Variants in UST observed in about 807,000 individuals in gnomAD.
The protein encoded by UST is uronyl 2-sulfotransferase.
Under a neutral mutation model 45.6 loss-of-function variants are expected in UST, and 21 were observed. That is an observed-to-expected ratio of 0.46 (90% CI 0.33 to 0.66). UST has a LOEUF of 0.66. Ranked by LOEUF, UST falls within the 30% of genes least tolerant of loss-of-function variation. UST has a pLI of 0.02. For synonymous variants in UST, 215 were observed against 200.6 expected (o/e 1.07, Z -0.61); for missense variants, 463 against 512.4 (o/e 0.90, Z 0.93).
chr6:148,936,551 C>T (rs1206372677), intron 2 of UST, among the ~76,000 whole-genome samples: 1 of 148,834 alleles, frequency 6.7e-6, no homozygotes, highest in Non-Finnish European at 1.5e-5. Flanking sequence ...AGGGTCAGTC[C>T]CTCCCTCCTT....
intron 1 of UST, among the ~76,000 whole-genome samples, chr6:148,852,920 A>G (rs1442618731): frequency 2.6e-5 from 4 of 152,180 alleles, no homozygotes; most frequent in Non-Finnish European, 4.4e-5. Context: ...ACATGACTTT[A>G]GTAAATACCT....
chr6:148,852,192 C>T (rs1217426855), intron 1 of UST, among the ~76,000 whole-genome samples: 5 of 152,254 alleles, frequency 3.3e-5, no homozygotes, highest in Middle Eastern at 3.4e-3. Flanking sequence ...AAAGCAGAGT[C>T]GGGAACATTT....
At chr6:148,894,814 CTTTTTTTTTTTT>C (rs760698349) in intron 2 of UST, among the ~76,000 whole-genome samples, 1 of 93,700 alleles carries the variant, frequency 1.1e-5, no homozygotes, top group Non-Finnish European at 2.0e-5. Context: ...AATTTCAGTG[CTTTTTTTTTTTT>C]TTTTTTTTTT....
chr6:148,780,400 C>T (rs113875218), intron 1 of UST, among the ~76,000 whole-genome samples: 25,381 of 151,908 alleles, frequency 0.17, 2,462 homozygotes, highest in Non-Finnish European at 0.21. Context: ...AAGCCCAGTA[C>T]CCTATAGTTA....
In UST at chr6:148,770,988, C is replaced by CT. The variant is rs1244201791; in HGVS notation, c.247+23312dup. 3.3e-5 allele frequency among the ~76,000 whole-genome samples: 5 copies of CT among 151,962 alleles called. No individual in the cohort carries two copies. In the South Asian group the frequency reaches 6.2e-4, roughly 19 times the overall value. ...TTTGACAAGACAAACAACTTTTATC[C>CT]TGCAGGTATTGATTTAGTAGAACAG... On this transcript the variant is annotated intron_variant, in intron 1 of 7. Transcript: ENST00000367463.
intron 1 of UST, among the ~76,000 whole-genome samples, chr6:148,796,167 G>A (rs552013145): frequency 5.3e-5 from 8 of 152,276 alleles, no homozygotes; most frequent in Admixed American, 4.6e-4. Flanking sequence ...ATTGAGATGA[G>A]AAGCATGGCA....
At chr6:148,978,047 A>G (rs1230682251) in intron 5 of UST, among the ~76,000 whole-genome samples, 2 of 152,138 alleles carry the variant, frequency 1.3e-5, no homozygotes, top group African/African-American at 2.4e-5. Context: ...GTAATTTTAC[A>G]TATTATTACT....
chr6:149,035,886 T>G (rs1157567498), intron 7 of UST, among the ~76,000 whole-genome samples: 1 of 152,212 alleles, frequency 6.6e-6, no homozygotes, highest in Non-Finnish European at 1.5e-5. Flanking sequence ...GAAAAATATT[T>G]GTTAGTGATT....
At chr6:149,047,654 A>G (rs1776413798) in intron 7 of UST, among the ~76,000 whole-genome samples, 1 of 152,180 alleles carries the variant, frequency 6.6e-6, no homozygotes. Context: ...TGAGCACCAA[A>G]CTTTACTTTG....
chr6:149,008,683 G>A (rs1775754683), intron 5 of UST, among the ~76,000 whole-genome samples: 1 of 152,190 alleles, frequency 6.6e-6, no homozygotes, highest in Admixed American at 6.5e-5. Flanking sequence ...GATGGATAAA[G>A]CAAGAGGCTG....
intron 5 of UST, among the ~76,000 whole-genome samples, chr6:148,987,425 T>C (rs1344434238): frequency 6.6e-6 from 1 of 152,112 alleles, no homozygotes; most frequent in Non-Finnish European, 1.5e-5. Context: ...GTGCCCTACA[T>C]GGCCCTGAGA....
At chr6:149,042,962 T>C (rs935447858) in intron 7 of UST, among the ~76,000 whole-genome samples, 21 of 62,324 alleles carry the variant, frequency 3.4e-4, no homozygotes, top group African/African-American at 6.3e-4. Context: ...TCCTTTTCTT[T>C]CTTTCTTTCT....
chr6:148,797,009 G>T (rs934308455), intron 1 of UST, among the ~76,000 whole-genome samples: 22 of 151,922 alleles, frequency 1.4e-4, no homozygotes, highest in Non-Finnish European at 2.4e-4. Context: ...CACCATCTTG[G>T]CTGGGCTGGT....
At chr6:149,065,979 A>C (rs556866119) in intron 7 of UST, among the ~76,000 whole-genome samples, 5 of 152,324 alleles carry the variant, frequency 3.3e-5, no homozygotes, top group African/African-American at 1.2e-4. Flanking sequence ...CCACCCAGGG[A>C]GTAACCAGGG....
intron 2 of UST, among the ~76,000 whole-genome samples, chr6:148,899,622 T>A (rs978663621): frequency 1.3e-5 from 2 of 152,226 alleles, no homozygotes; most frequent in Non-Finnish European, 2.9e-5. Flanking sequence ...TCCTGTCACA[T>A]TTGTTGCAAA....
Position 149,074,337 on chromosome 6 carries a change from C to A in UST, c.*221C>A. 1.8e-6 allele frequency: 1 copy of A among 564,608 alleles called. No homozygotes were observed. The highest frequency in any genetic ancestry group is 3.1e-6 in the Non-Finnish European group (1 of 321,548). 35.0% of individuals were successfully genotyped at this position (564,608 alleles called of 1,614,324 possible). A position where few individuals can be genotyped will look rare whatever the true frequency, so the allele number is the denominator to read the frequency against. On this transcript the variant is annotated 3_prime_UTR_variant, in exon 8 of 8. Transcript: ENST00000367463. ...GCTCTTTGGGTCTTTCCCGGGTACACTAGATGGCTCCATCCCAAGGCATCT... is the reference window on the plus strand; with the variant it reads ...GCTCTTTGGGTCTTTCCCGGGTACAATAGATGGCTCCATCCCAAGGCATCT...
intron 1 of UST, among the ~76,000 whole-genome samples, chr6:148,839,179 C>T (rs975603709): frequency 2.0e-5 from 3 of 152,004 alleles, no homozygotes; most frequent in African/African-American, 7.2e-5. Context: ...ATAGATCAAA[C>T]CAGAATGGAG....
At chr6:148,865,706 GT>G (rs1562281711) in intron 1 of UST, among the ~76,000 whole-genome samples, 16,482 of 139,476 alleles carry the variant, frequency 0.12, 1,192 homozygotes, top group East Asian at 0.23. Context: ...GTGTGTGTGT[GT>G]GTGTGTGAAT....
chr6:148,981,262 T>C (rs1455914903), intron 5 of UST, among the ~76,000 whole-genome samples: 1 of 152,234 alleles, frequency 6.6e-6, no homozygotes, highest in Non-Finnish European at 1.5e-5. Flanking sequence ...ACTGTGATCT[T>C]ATTTTAGAGT....
Sources: gnomAD v4.1 joint callset for allele counts (sites outside exome capture counted in the v4.1 genomes callset) on GRCh38, gnomAD v4.1.1 for gene constraint, MANE v1.5 for transcripts, NCBI Gene and HGNC (gene_info 2026-07-23, HGNC 2026-07-21) for gene names.